Variants in CFAP43 observed in about 807,000 individuals in gnomAD.
CFAP43 encodes cilia- and flagella-associated protein 43.
CFAP43 carries 155 observed loss-of-function variants against 218.9 expected under a neutral mutation model. The ratio of observed to expected loss-of-function variants is 0.71; its 90% CI spans 0.62 to 0.81. The LOEUF (loss-of-function observed/expected upper bound fraction) is 0.81, where lower values mean the gene tolerates loss of function less well. Among genes scored for constraint, CFAP43 ranks in the 30% least tolerant of loss-of-function variants. The pLI is 0.00. For synonymous variants in CFAP43, 645 were observed against 681.3 expected (o/e 0.95, Z 0.83); for missense variants, 1,778 against 1,954.3 (o/e 0.91, Z 1.70).
At position 104,186,038 on chromosome 10, in the gene CFAP43, T is replaced by C. The variant is rs752609990; in HGVS notation, c.1946A>G (p.His649Arg). 8 of 1,610,920 alleles carry C rather than the reference T, an allele frequency of 5.0e-6. No individual in the cohort carries two copies. Among genetic ancestry groups the C allele is most frequent in the South Asian group, 1.1e-5 (1 of 90,338 alleles). Residue 649 changes from histidine (H) to arginine (R), a missense_variant, in exon 15 of 38, where the codon CAT (histidine) becomes CGT (arginine). Physicochemically the swap from His to Arg is conservative, Grantham distance 29 (BLOSUM62 0). Coordinates refer to ENST00000357060, the MANE Select transcript of CFAP43 (RefSeq NM_025145.7). ...AGCTATTGTTATGAGCCACAATCCATGTGAAGACAGATAGAGCAGTCCAGG... is the reference window on the plus strand; with the variant it reads ...AGCTATTGTTATGAGCCACAATCCACGTGAAGACAGATAGAGCAGTCCAGG... Reference protein sequence around the residue: ...YGPGLLYLSSHGLWLITIAKC... With the variant: ...YGPGLLYLSSRGLWLITIAKC...
At chr10:104,140,421 A>G (rs1589621431) in intron 34 of CFAP43, among the ~76,000 whole-genome samples, 1 of 152,252 alleles carries the variant, frequency 6.6e-6, no homozygotes, top group Admixed American at 6.5e-5. Context: ...CAGTTAGGAA[A>G]CCACTGACTT....
At chr10:104,214,237 C>T (rs2090951072) in intron 4 of CFAP43, 22 bp downstream of exon 4, 2 of 1,546,624 alleles carry the variant, frequency 1.3e-6, no homozygotes, top group Admixed American at 2.1e-5. Flanking sequence ...CATGTTGCTA[C>T]TGTTGTAACA....
chr10:104,224,420 T>C (rs540478002), intron 3 of CFAP43, among the ~76,000 whole-genome samples: 19 of 152,150 alleles, frequency 1.2e-4, no homozygotes, highest in Admixed American at 3.3e-4. Flanking sequence ...TTACCTTATA[T>C]ATGAACAGTT....
chr10:104,197,842 A>G (rs2090422215), intron 9 of CFAP43, 80 bp downstream of exon 9: 3 of 1,009,572 alleles, frequency 3.0e-6, no homozygotes, highest in Non-Finnish European at 4.5e-6. Flanking sequence ...AAGTTACCCA[A>G]TAACATATAA....
chr10:104,137,417 T>C (rs189812470), intron 34 of CFAP43, among the ~76,000 whole-genome samples: 2 of 152,278 alleles, frequency 1.3e-5, no homozygotes, highest in Admixed American at 1.3e-4. Context: ...GGCAAATCCA[T>C]ACAGAAAATG....
At chr10:104,161,599 T>C (rs2088875849) in intron 26 of CFAP43, among the ~76,000 whole-genome samples, 1 of 152,240 alleles carries the variant, frequency 6.6e-6, no homozygotes, top group Non-Finnish European at 1.5e-5. Flanking sequence ...AAGGCAAACC[T>C]GCATTTTCAA....
chr10:104,133,589 A>G lies in CFAP43; in HGVS notation c.4596+31T>C, dbSNP rs750451837. ...AATGAATACATTAATGAATAAAATT[A>G]AAACTATGTAGGGGGGTAGGGAGAA... On this transcript the variant is annotated intron_variant, in intron 35 of 37. Transcript: ENST00000357060. 8.2e-6 allele frequency: 13 copies of G among 1,586,676 alleles called. No individual in the cohort carries two copies. The South Asian group carries it at 1.4e-4, about 17-fold the overall frequency.
In CFAP43 at chr10:104,232,216, G is replaced by A. The variant is rs1457057328; in HGVS notation, c.31C>T (p.Pro11Ser). 5 of 1,609,308 alleles carry A rather than the reference G, an allele frequency of 3.1e-6. No homozygotes were observed. Among genetic ancestry groups the A allele is most frequent in the Non-Finnish European group, 3.4e-6 (4 of 1,178,588 alleles). ...AAGGACGCGCCGCCGGCGGAGTGGGGGCCTTCGTCGCGCTCCCGGCCTTGC... is the reference window on the plus strand; with the variant it reads ...AAGGACGCGCCGCCGGCGGAGTGGGAGCCTTCGTCGCGCTCCCGGCCTTGC... MAQGRERDEGPHSAGGASLSV... is the reference protein window; with the variant it reads MAQGRERDEGSHSAGGASLSV... Residue 11 changes from proline (P) to serine (S), a missense_variant, in exon 1 of 38, where the codon CCC (proline) becomes TCC (serine). Pro to Ser is a moderately conservative substitution (Grantham distance 74). This residue lies in a region of CFAP43 where 1,553 missense variants were observed against 1,685.2 expected (regional missense o/e 0.92). Coordinates refer to ENST00000357060, the MANE Select transcript of CFAP43 (RefSeq NM_025145.7).
At chr10:104,130,345 A>G (rs748198121) in intron 37 of CFAP43, 40 bp from the exon 38 acceptor site, 4 of 1,576,964 alleles carry the variant, frequency 2.5e-6, no homozygotes, top group East Asian at 2.3e-5. Context: ...TTATTTATCA[A>G]TACTTTCAAA....
At chr10:104,157,775 T>A (rs4918081) in intron 27 of CFAP43, among the ~76,000 whole-genome samples, 10,849 of 89,604 alleles carry the variant, frequency 0.12, 857 homozygotes, top group Admixed American at 0.2. Context: ...TGTGTGTGTG[T>A]GAGAGAGAGA....
intron 24 of CFAP43, among the ~76,000 whole-genome samples, chr10:104,162,693 T>G (rs971099802): frequency 6.6e-6 from 1 of 151,678 alleles, no homozygotes; most frequent in Non-Finnish European, 1.5e-5. Flanking sequence ...AGAAGTGCCA[T>G]CTAAGCCAAA....
rs1178748194 is a variant in CFAP43 at position 104,130,343 on chromosome 10, C to T, written c.4832-38G>A. On this transcript the variant is annotated intron_variant, in intron 37 of 37. Coordinates refer to ENST00000357060, the MANE Select transcript of CFAP43 (RefSeq NM_025145.7). ...TGAATAAAGGAATTCGATTATTTAT[C>T]AATACTTTCAAATACAGAAGCAGCA... 4 of 1,580,818 alleles carry T rather than the reference C, an allele frequency of 2.5e-6. No individual in the cohort carries two copies. In the South Asian group the frequency reaches 4.7e-5, roughly 18 times the overall value.
intron 14 of CFAP43, 74 bp from the exon 15 acceptor site, chr10:104,186,197 T>A: frequency 8.3e-7 from 1 of 1,208,128 alleles, no homozygotes; most frequent in Non-Finnish European, 1.1e-6. Context: ...CAGATATACA[T>A]GCCTGTTGTA....
intron 33 of CFAP43, 35 bp from the exon 34 acceptor site, chr10:104,141,036 A>G: frequency 1.3e-6 from 2 of 1,566,874 alleles, no homozygotes; most frequent in Non-Finnish European, 1.7e-6. Flanking sequence ...AAGTAGTTGT[A>G]ATATATTTCA....
chr10:104,187,311 TTG>T lies in CFAP43; in HGVS notation c.1860+7_1860+8del. 6.3e-7 allele frequency: 1 copy of T among 1,592,758 alleles called. No homozygotes were observed. Among genetic ancestry groups the T allele is most frequent in the East Asian group, 2.3e-5 (1 of 44,358 alleles). ...AGATAAATGAGAGCACACTTAAGTGTTGACATACTTCTTCAGGAAGAAGGTAG... is the reference window on the plus strand; with the variant it reads ...AGATAAATGAGAGCACACTTAAGTGTACATACTTCTTCAGGAAGAAGGTAG... On this transcript the variant is annotated splice_region_variant and intron_variant, in intron 14 of 37. Coordinates refer to ENST00000357060, the MANE Select transcript of CFAP43 (RefSeq NM_025145.7).
At chr10:104,227,531 C>T (rs2091335101) in intron 2 of CFAP43, among the ~76,000 whole-genome samples, 1 of 152,094 alleles carries the variant, frequency 6.6e-6, no homozygotes, top group African/African-American at 2.4e-5. Flanking sequence ...TGAGATGAAA[C>T]ATTTTTTGAT....
chr10:104,189,778 G>A (rs1205973494), intron 12 of CFAP43, among the ~76,000 whole-genome samples: 1 of 152,110 alleles, frequency 6.6e-6, no homozygotes, highest in Non-Finnish European at 1.5e-5. Context: ...TGAGGTGGGA[G>A]GATTGCTTGA....
chr10:104,172,377 A>C, intron 20 of CFAP43, 33 bp downstream of exon 20: 3 of 1,593,802 alleles, frequency 1.9e-6, no homozygotes, highest in Non-Finnish European at 2.6e-6. Context: ...TTTCATCATA[A>C]CTTTATGGTG....
At chr10:104,171,843 G>A (rs2089425920) in intron 20 of CFAP43, among the ~76,000 whole-genome samples, 1 of 152,148 alleles carries the variant, frequency 6.6e-6, no homozygotes, top group Admixed American at 6.5e-5. Context: ...TCTTCTGTGG[G>A]TACCATATGC....
Sources: gnomAD v4.1 joint callset for allele counts (sites outside exome capture counted in the v4.1 genomes callset) on GRCh38, gnomAD v4.1.1 for gene constraint, gnomAD v4.1.1 regional missense constraint, MANE v1.5 for transcripts, NCBI Gene and HGNC (gene_info 2026-07-23, HGNC 2026-07-21) for gene names.